The following ATP8B4 variants were observed in gnomAD, a reference collection of about 807,000 sequenced individuals.
The protein encoded by ATP8B4 is probable phospholipid-transporting ATPase IM.
ATP8B4 carries 133 observed loss-of-function variants against 145.6 expected under a neutral mutation model. The observed-to-expected ratio is 0.91, with a 90% CI of 0.79 to 1.05. ATP8B4 has a LOEUF of 1.05. Ranked by LOEUF, ATP8B4 falls within the 50% of genes least tolerant of loss-of-function variation. The pLI is 0.00. For missense variants in ATP8B4, 1,458 were observed against 1,425.2 expected (o/e 1.02, Z -0.37); for synonymous variants, 507 against 492.9 (o/e 1.03, Z -0.38).
At chr15:50,042,349 C>CA (rs2051361007) in intron 5 of ATP8B4, among the ~76,000 whole-genome samples, 1 of 152,024 alleles carries the variant, frequency 6.6e-6, no homozygotes. Context: ...GTTGATTTAT[C>CA]AAAAAATTAT....
At chr15:49,940,770 C>T (rs1273575309) in intron 14 of ATP8B4, among the ~76,000 whole-genome samples, 2 of 152,128 alleles carry the variant, frequency 1.3e-5, no homozygotes, top group African/African-American at 4.8e-5. Context: ...TCTTTCCTCA[C>T]TTCTGGATGA....
At chr15:49,973,748 A>G (rs909942791) in intron 12 of ATP8B4, among the ~76,000 whole-genome samples, 3 of 152,228 alleles carry the variant, frequency 2.0e-5, no homozygotes, top group Non-Finnish European at 4.4e-5. Flanking sequence ...TCAATGCTCA[A>G]CGTCATACAT....
chr15:49,878,016 C>G (rs983070824), intron 24 of ATP8B4, among the ~76,000 whole-genome samples: 3 of 152,048 alleles, frequency 2.0e-5, no homozygotes, highest in Non-Finnish European at 4.4e-5. Flanking sequence ...TGAGGCCTGT[C>G]CAGCATAGCA....
intron 26 of ATP8B4, among the ~76,000 whole-genome samples, chr15:49,865,908 T>C (rs1458370981): frequency 6.6e-6 from 1 of 152,246 alleles, no homozygotes; most frequent in Non-Finnish European, 1.5e-5. Flanking sequence ...AGGCTCTAAA[T>C]TATACATTGT....
At chr15:49,965,211 G>A (rs999468698) in intron 13 of ATP8B4, among the ~76,000 whole-genome samples, 2 of 152,214 alleles carry the variant, frequency 1.3e-5, no homozygotes, top group Non-Finnish European at 2.9e-5. Context: ...ATGCCCATGG[G>A]TTATAGGGGT....
intron 2 of ATP8B4, among the ~76,000 whole-genome samples, chr15:50,078,288 C>T (rs1298335412): frequency 6.6e-6 from 1 of 151,594 alleles, no homozygotes; most frequent in African/African-American, 2.4e-5. Flanking sequence ...TCAAACCGTC[C>T]TCTCACCACA....
At chr15:49,933,681 C>T (rs960261486) in intron 15 of ATP8B4, among the ~76,000 whole-genome samples, 2 of 152,026 alleles carry the variant, frequency 1.3e-5, no homozygotes, top group South Asian at 4.1e-4. Context: ...GTCCTGGCTA[C>T]CCAGAAGCTT....
intron 13 of ATP8B4, among the ~76,000 whole-genome samples, chr15:49,971,530 T>A (rs1194823447): frequency 1.3e-5 from 2 of 152,186 alleles, no homozygotes; most frequent in Non-Finnish European, 1.5e-5. Context: ...AAGCTCATCA[T>A]CACTGGTCAT....
At position 50,071,448 on chromosome 15, in the gene ATP8B4, GA is replaced by G. The variant is rs527603652; in HGVS notation, c.87+2678del. ...CTTATAGGGTTACTACTCACAGAAG[GA>G]AAATACTTGTTGCATATTGGAAAAC... On this transcript the variant is annotated intron_variant, in intron 3 of 27. Coordinates refer to ENST00000284509, the MANE Select transcript of ATP8B4 (RefSeq NM_024837.4). Among the ~76,000 whole-genome samples the G allele has an allele frequency of 2.5e-3, 380 of 152,300 alleles. 1 individual carries two copies. The highest frequency in any genetic ancestry group is 6.8e-3 in the Middle Eastern group (2 of 294).
At chr15:49,865,830 C>T (rs2032698196) in intron 26 of ATP8B4, among the ~76,000 whole-genome samples, 1 of 152,186 alleles carries the variant, frequency 6.6e-6, no homozygotes, top group Admixed American at 6.5e-5. Context: ...GGCGCTTGAA[C>T]CCTGACTGAC....
chr15:50,085,958 T>TATATTTATATATGATATATATC (rs1567331297), intron 2 of ATP8B4, among the ~76,000 whole-genome samples: 477 of 29,140 alleles, frequency 0.016, 70 homozygotes, highest in East Asian at 0.1. Flanking sequence ...ATATATCATA[T>TATATTTATATATGATATATATC]ATATTTATAT....
chr15:49,912,687 T>C (rs984742862), intron 20 of ATP8B4, among the ~76,000 whole-genome samples: 2 of 152,082 alleles, frequency 1.3e-5, no homozygotes, highest in African/African-American at 4.8e-5. Context: ...AGCATTACCC[T>C]CATACCAAAA....
chr15:49,982,796 C>T (rs2046274303), intron 10 of ATP8B4, among the ~76,000 whole-genome samples: 2 of 152,132 alleles, frequency 1.3e-5, no homozygotes, highest in Non-Finnish European at 2.9e-5. Flanking sequence ...TTTCTTATCT[C>T]CCACTCGTTA....
rs761912228 is a variant in ATP8B4, at chr15:49,972,763, A to G, written c.1062T>C (p.Ser354=). The change falls in exon 13 of 28, where the codon AGT becomes AGC. Residue 354 remains serine (S), a synonymous_variant. Transcript: ENST00000284509. ...VSVEVIRLGH[S]YFINWDRKMY... is the part of the protein sequence containing the mutation. Reference sequence around the variant, plus strand: ...TCTTCCGGTCCCAGTTTATAAAATAACTGTGTCCTAGACGAATTACTTCCA... The same window carrying G: ...TCTTCCGGTCCCAGTTTATAAAATAGCTGTGTCCTAGACGAATTACTTCCA... 6.2e-7 allele frequency: 1 copy of G among 1,614,004 alleles called. No individual in the cohort carries two copies. The highest frequency in any genetic ancestry group is 1.7e-5 in the Admixed American group (1 of 59,966).
chr15:50,011,975 C>T (rs2153571941), intron 6 of ATP8B4, among the ~76,000 whole-genome samples: 1 of 152,262 alleles, frequency 6.6e-6, no homozygotes, highest in South Asian at 2.1e-4. Context: ...ATATGCCTCA[C>T]ACTATCAACT....
rs768305979 is a variant in ATP8B4 at position 49,897,415 on chromosome 15, G to A, written c.2574C>T (p.Leu858=). The A allele has an allele frequency of 9.9e-6, 16 of 1,613,920 alleles. No individual in the cohort carries two copies. In the Admixed American group the frequency reaches 1.2e-4, roughly 12 times the overall value. The change falls in exon 23 of 28, where the codon CTC becomes CTT. Residue 858 remains leucine, a synonymous_variant. Coordinates refer to ENST00000284509, the MANE Select transcript of ATP8B4 (RefSeq NM_024837.4). ...FAQFRYLQRL[L]LVHGRWSYFR... ...AATAAGACCACCTTCCATGAACAAG[G>A]AGAAGCCTTTGGAGATATCTAAACT... is the stretch of plus-strand genomic sequence containing the variant.
chr15:50,141,564 T>C (rs779788755), intron 1 of ATP8B4, among the ~76,000 whole-genome samples: 7 of 152,056 alleles, frequency 4.6e-5, no homozygotes, highest in Non-Finnish European at 7.4e-5. Context: ...ACAAAATCTT[T>C]CCCCTCAAAA....
rs2053976295 is a variant in ATP8B4 at position 50,073,375 on chromosome 15, G to A, written c.87+752C>T. ...CCTGTGTTAGTTTGCTGAGAATGAT[G>A]GTTTCCAACTTCATCCACATCCTTG... On this transcript the variant is annotated intron_variant, in intron 3 of 27. Transcript: ENST00000284509. Among the ~76,000 whole-genome samples, 5 of 151,904 alleles carry A rather than the reference G, an allele frequency of 3.3e-5. No individual in the cohort carries two copies. In the South Asian group the frequency reaches 1.0e-3, roughly 32 times the overall value.
chr15:50,039,654 G>A (rs912756311), intron 5 of ATP8B4, among the ~76,000 whole-genome samples: 1 of 152,214 alleles, frequency 6.6e-6, no homozygotes, highest in Non-Finnish European at 1.5e-5. Context: ...ATGCACAGAT[G>A]AATAGGGGTA....
Sources: gnomAD v4.1 joint callset for allele counts (sites outside exome capture counted in the v4.1 genomes callset) on GRCh38, gnomAD v4.1.1 for gene constraint, MANE v1.5 for transcripts, NCBI Gene and HGNC (gene_info 2026-07-23, HGNC 2026-07-21) for gene names.